ZMAT4: variants seen among roughly 807,000 people sequenced by gnomAD.
ZMAT4 encodes the protein zinc finger matrin-type protein 4.
ZMAT4 carries 17 observed loss-of-function variants against 28.7 expected under a neutral mutation model. That is an observed-to-expected ratio of 0.59 (90% CI 0.41 to 0.89). ZMAT4 has a LOEUF of 0.89. Among genes scored for constraint, ZMAT4 ranks in the 40% least tolerant of loss-of-function variants. The pLI, the probability that ZMAT4 is intolerant of heterozygous loss-of-function variation, is 0.00. For missense variants in ZMAT4, 240 were observed against 283.8 expected (o/e 0.85, Z 1.11); for synonymous variants, 117 against 109.2 (o/e 1.07, Z -0.44).
intron 1 of ZMAT4, among the ~76,000 whole-genome samples, chr8:40,874,722 T>C (rs1315499933): frequency 2.0e-5 from 3 of 152,232 alleles, no homozygotes; most frequent in Admixed American, 2.0e-4. Flanking sequence ...ACCTGGATGG[T>C]TTCTGGCTAT....
At chr8:40,817,974 G>A (rs1320359833) in intron 2 of ZMAT4, among the ~76,000 whole-genome samples, 1 of 152,202 alleles carries the variant, frequency 6.6e-6, no homozygotes, top group Non-Finnish European at 1.5e-5. Context: ...ATGGGATATG[G>A]TCTGACTCCT....
intron 6 of ZMAT4, among the ~76,000 whole-genome samples, chr8:40,576,038 T>TA (rs199661616): frequency 1.3e-5 from 2 of 151,266 alleles, no homozygotes; most frequent in Non-Finnish European, 3.0e-5. Flanking sequence ...ATCAAGAACA[T>TA]AAAAAAACCA....
chr8:40,851,331 TA>T (rs995536135), intron 1 of ZMAT4, among the ~76,000 whole-genome samples: 11 of 151,898 alleles, frequency 7.2e-5, no homozygotes, highest in African/African-American at 2.4e-4. Context: ...TACATCTCAA[TA>T]AAAGGAAACA....
At chr8:40,828,831 A>G (rs939346620) in intron 1 of ZMAT4, among the ~76,000 whole-genome samples, 4 of 152,116 alleles carry the variant, frequency 2.6e-5, no homozygotes, top group Non-Finnish European at 5.9e-5. Flanking sequence ...GGTCCGATTT[A>G]TCATGCAGAG....
intron 5 of ZMAT4, among the ~76,000 whole-genome samples, chr8:40,584,253 TTCCACCTGTG>T (rs1202638070): frequency 1.3e-5 from 2 of 152,140 alleles, no homozygotes; most frequent in Non-Finnish European, 2.9e-5. Flanking sequence ...CTTGCTAGTC[TTCCACCTGTG>T]TCCCTCAGCC....
intron 5 of ZMAT4, 35 bp downstream of exon 5, chr8:40,674,669 A>C: frequency 1.9e-6 from 3 of 1,557,156 alleles, no homozygotes; most frequent in Non-Finnish European, 2.7e-6. Flanking sequence ...CTGAAAGCCC[A>C]GTTTTGTGGC....
chr8:40,812,984 TTA>T (rs1474513431), intron 2 of ZMAT4, among the ~76,000 whole-genome samples: 6 of 129,048 alleles, frequency 4.6e-5, no homozygotes, highest in African/African-American at 1.7e-4. Context: ...TTAAATTAAA[TTA>T]AAAAATAAAA....
At chr8:40,801,705 A>G (rs1247250658) in intron 2 of ZMAT4, among the ~76,000 whole-genome samples, 2 of 152,058 alleles carry the variant, frequency 1.3e-5, no homozygotes, top group African/African-American at 4.8e-5. Flanking sequence ...ATAATTCCAT[A>G]AGCTGCTTTT....
chr8:40,618,799 C>T (rs1806102404), intron 5 of ZMAT4, among the ~76,000 whole-genome samples: 2 of 152,188 alleles, frequency 1.3e-5, no homozygotes. Context: ...CAACCCTCTC[C>T]TTGCTCCTGT....
intron 5 of ZMAT4, among the ~76,000 whole-genome samples, chr8:40,633,515 T>A (rs1461318785): frequency 6.6e-6 from 1 of 152,154 alleles, no homozygotes; most frequent in African/African-American, 2.4e-5. Flanking sequence ...TGGGCAGAAG[T>A]ACAGTTAGTG....
chr8:40,606,470 G>C (rs537598416), intron 5 of ZMAT4, among the ~76,000 whole-genome samples: 10 of 152,302 alleles, frequency 6.6e-5, no homozygotes, highest in African/African-American at 2.4e-4. Context: ...ATTCTTGGCT[G>C]ATAATTATTT....
At position 40,879,881 on chromosome 8, in the gene ZMAT4, G is replaced by T. The variant is rs574408164; in HGVS notation, c.-5+17802C>A. 2.1e-4 allele frequency among the ~76,000 whole-genome samples: 32 copies of T among 152,222 alleles called. No individual in the cohort carries two copies. In the East Asian group the frequency reaches 6.2e-3, roughly 29 times the overall value. ...CATCATTAACCTGCTTCAAATAATT[G>T]TATATGGTAGCCTAATACTCCATTG... On this transcript the variant is annotated intron_variant, in intron 1 of 6. Transcript: ENST00000297737.
intron 6 of ZMAT4, among the ~76,000 whole-genome samples, chr8:40,565,366 G>T (rs969948822): frequency 4.9e-5 from 7 of 142,440 alleles, no homozygotes; most frequent in Admixed American, 2.9e-4. Flanking sequence ...GTGCTGGTTT[G>T]GTGCCACCAT....
intron 1 of ZMAT4, among the ~76,000 whole-genome samples, chr8:40,872,506 T>C (rs1234592273): frequency 6.6e-6 from 1 of 152,176 alleles, no homozygotes; most frequent in Non-Finnish European, 1.5e-5. Context: ...AAAGCTCCTG[T>C]CCTGGGCAGG....
rs527745536 is a variant in ZMAT4 at position 40,783,635 on chromosome 8, C to T, written c.103-15905G>A. ...TTATAAAAACTACTATAAATAACTA[C>T]ATAAACATAAGAGATGCATATCTAG... On this transcript the variant is annotated intron_variant, in intron 2 of 6. Coordinates refer to ENST00000297737, the MANE Select transcript of ZMAT4 (RefSeq NM_024645.3). 1.6e-3 allele frequency among the ~76,000 whole-genome samples: 241 copies of T among 152,110 alleles called. 1 individual carries two copies. The highest frequency in any genetic ancestry group is 5.6e-3 in the African/African-American group (231 of 41,484).
At chr8:40,665,883 T>C (rs72639670) in intron 5 of ZMAT4, among the ~76,000 whole-genome samples, 561 of 152,294 alleles carry the variant, frequency 3.7e-3, no homozygotes, top group Non-Finnish European at 6.6e-3. Flanking sequence ...TCAATGATAT[T>C]GACTGTCTTT....
rs200915233 is a variant in ZMAT4, at chr8:40,789,533, T to C, written c.103-21803A>G. Among the ~76,000 whole-genome samples, 4 of 152,336 alleles carry C rather than the reference T, an allele frequency of 2.6e-5. No individual in the cohort carries two copies. In the East Asian group the frequency reaches 7.7e-4, roughly 29 times the overall value. ...GACTAGAGTCAATAATAATTTATTA[T>C]ACATTTTAAAATAACTAGGAGAGTA... On this transcript the variant is annotated intron_variant, in intron 2 of 6. Transcript: ENST00000297737.
At chr8:40,868,086 C>CAT (rs1817734165) in intron 1 of ZMAT4, among the ~76,000 whole-genome samples, 2 of 151,976 alleles carry the variant, frequency 1.3e-5, no homozygotes, top group Non-Finnish European at 2.9e-5. Flanking sequence ...ACATTATGGA[C>CAT]ATATATATGA....
intron 3 of ZMAT4, among the ~76,000 whole-genome samples, chr8:40,750,802 C>T (rs989920882): frequency 6.6e-6 from 1 of 152,146 alleles, no homozygotes; most frequent in African/African-American, 2.4e-5. Flanking sequence ...CCCAGTGGGG[C>T]CCCCCAAAAA....
Sources: gnomAD v4.1 joint callset for allele counts (sites outside exome capture counted in the v4.1 genomes callset) on GRCh38, gnomAD v4.1.1 for gene constraint, MANE v1.5 for transcripts, NCBI Gene and HGNC (gene_info 2026-07-23, HGNC 2026-07-21) for gene names.